Variants in PPARGC1A observed in about 807,000 individuals in gnomAD.
PPARGC1A encodes peroxisome proliferator-activated receptor gamma coactivator 1-alpha.
A neutral mutation model predicts 88.7 loss-of-function variants in PPARGC1A; 25 were observed. That is an observed-to-expected ratio of 0.28 (90% confidence interval 0.21 to 0.39). The LOEUF (loss-of-function observed/expected upper bound fraction) is 0.39, where lower values mean the gene tolerates loss of function less well. PPARGC1A is among the 10% of genes least tolerant of loss of function. PPARGC1A has a pLI of 1.00. For synonymous variants in PPARGC1A, 363 were observed against 355.6 expected, an observed-to-expected ratio of 1.02 and a Z score of -0.24; for missense variants, 880 against 968.7, an observed-to-expected ratio of 0.91 and a Z score of 1.22.
the PPARGC1A span, among the ~76,000 whole-genome samples, chr4:24,181,703 T>C: frequency 6.6e-6 from 1 of 152,106 alleles, no homozygotes; most frequent in Non-Finnish European, 1.5e-5. Flanking sequence ...CCAAGACACC[T>C]TGACAAAGAG....
the PPARGC1A span, among the ~76,000 whole-genome samples, chr4:24,323,002 A>G: frequency 6.6e-6 from 1 of 152,192 alleles, no homozygotes; most frequent in Admixed American, 6.5e-5. Flanking sequence ...ATCATCCATC[A>G]TCAAAAAACA....
At chr4:23,913,684 T>G in the PPARGC1A span, among the ~76,000 whole-genome samples, 1 of 152,208 alleles carries the variant, frequency 6.6e-6, no homozygotes, top group Non-Finnish European at 1.5e-5. Context: ...AAATGCTAAC[T>G]GAACAACTCA....
At chr4:24,356,765 T>C in the PPARGC1A span, among the ~76,000 whole-genome samples, 1 of 152,206 alleles carries the variant, frequency 6.6e-6, no homozygotes, top group Non-Finnish European at 1.5e-5. Context: ...GTATATTCAT[T>C]CTCTCCCTTA....
At chr4:24,235,664 C>T in the PPARGC1A span, among the ~76,000 whole-genome samples, 1 of 152,156 alleles carries the variant, frequency 6.6e-6, no homozygotes, top group Non-Finnish European at 1.5e-5. Flanking sequence ...AATTATCAAC[C>T]TCCACTGCTT....
chr4:23,967,045 A>G, the PPARGC1A span, among the ~76,000 whole-genome samples: 3 of 152,220 alleles, frequency 2.0e-5, no homozygotes, highest in African/African-American at 7.2e-5. Flanking sequence ...AGGATGTGCC[A>G]CACAGTAAAA....
the PPARGC1A span, among the ~76,000 whole-genome samples, chr4:24,117,986 C>G: frequency 6.6e-6 from 1 of 152,128 alleles, no homozygotes; most frequent in Non-Finnish European, 1.5e-5. Flanking sequence ...ACGACAAGAG[C>G]AACAGCTGTG....
chr4:24,135,449 G>T, the PPARGC1A span, among the ~76,000 whole-genome samples: 1 of 152,016 alleles, frequency 6.6e-6, no homozygotes, highest in African/African-American at 2.4e-5. Flanking sequence ...GGCCCCTGAG[G>T]TTCCCTTCCC....
chr4:24,169,954 A>G, the PPARGC1A span, among the ~76,000 whole-genome samples: 1 of 152,242 alleles, frequency 6.6e-6, no homozygotes, highest in Non-Finnish European at 1.5e-5. Flanking sequence ...TATGATTTCT[A>G]TACACTGGTC....
intron 2 of PPARGC1A, among the ~76,000 whole-genome samples, chr4:23,873,622 T>C (rs1714046561): frequency 1.1e-5 from 1 of 88,536 alleles, no homozygotes; most frequent in Non-Finnish European, 2.9e-5. Context: ...TGCATCTCTT[T>C]AGATGATTCT....
chr4:24,312,651 GATT>G, the PPARGC1A span, among the ~76,000 whole-genome samples: 1 of 108,148 alleles, frequency 9.2e-6, no homozygotes, highest in East Asian at 2.8e-4. Flanking sequence ...AAAAAAAAAA[GATT>G]GCAACTTACT....
chr4:24,326,211 A>T, the PPARGC1A span, among the ~76,000 whole-genome samples: 1 of 152,126 alleles, frequency 6.6e-6, no homozygotes, highest in South Asian at 2.1e-4. Flanking sequence ...CCCATCCCAC[A>T]GCATGCTTTG....
At chr4:23,821,755 T>C (rs1723052791) in intron 7 of PPARGC1A, among the ~76,000 whole-genome samples, 1 of 152,008 alleles carries the variant, frequency 6.6e-6, no homozygotes, top group Non-Finnish European at 1.5e-5. Flanking sequence ...ACCATCTTCA[T>C]ATCATGCATA....
At chr4:24,338,647 C>T in the PPARGC1A span, among the ~76,000 whole-genome samples, 1 of 152,250 alleles carries the variant, frequency 6.6e-6, no homozygotes, top group South Asian at 2.1e-4. Flanking sequence ...CAAATTCCAA[C>T]CTCAACTATG....
the PPARGC1A span, among the ~76,000 whole-genome samples, chr4:23,960,358 C>T: frequency 6.6e-6 from 1 of 152,068 alleles, no homozygotes; most frequent in Non-Finnish European, 1.5e-5. Flanking sequence ...TCACACAGAA[C>T]AGCCTCACAC....
intron 2 of PPARGC1A, among the ~76,000 whole-genome samples, chr4:23,867,115 C>T (rs559872334): frequency 2.0e-5 from 3 of 152,274 alleles, no homozygotes; most frequent in East Asian, 1.9e-4. Flanking sequence ...GTAAAAAAAT[C>T]TAGCAACAAT....
chr4:24,206,158 AT>A, the PPARGC1A span, among the ~76,000 whole-genome samples: 4 of 152,342 alleles, frequency 2.6e-5, no homozygotes, highest in Admixed American at 1.3e-4. Flanking sequence ...TAATAAAAAA[AT>A]AAAGGGCCAA....
chr4:23,864,454 T>C (rs1731789351), intron 2 of PPARGC1A, among the ~76,000 whole-genome samples: 1 of 152,230 alleles, frequency 6.6e-6, no homozygotes, highest in Non-Finnish European at 1.5e-5. Context: ...CAATCAAGTA[T>C]GGTATGTGTG....
chr4:24,142,809 G>C, the PPARGC1A span, among the ~76,000 whole-genome samples: 2 of 152,170 alleles, frequency 1.3e-5, no homozygotes, highest in Non-Finnish European at 2.9e-5. Flanking sequence ...AGATGGAGTA[G>C]GATGAGCCAA....
At chr4:23,901,172 C>A (rs1719297820), upstream of PPARGC1A, among the ~76,000 whole-genome samples, 1 of 152,214 alleles carries the variant, frequency 6.6e-6, no homozygotes, top group South Asian at 2.1e-4. Flanking sequence ...TCGAGACCAT[C>A]CTGGCTAACA....
Sources: gnomAD v4.1 joint callset for allele counts (sites outside exome capture counted in the v4.1 genomes callset) on GRCh38, gnomAD v4.1.1 for gene constraint, MANE v1.5 for transcripts, NCBI Gene and HGNC (gene_info 2026-07-23, HGNC 2026-07-21) for gene names.